TRPM3: variants seen among roughly 807,000 people sequenced by gnomAD.
TRPM3 encodes the protein long transient receptor potential channel 3.
In TRPM3, 77 loss-of-function variants were observed where a neutral mutation model predicts 181.2. That is an observed-to-expected ratio of 0.42 (90% CI 0.35 to 0.51). The LOEUF (loss-of-function observed/expected upper bound fraction) is 0.51, where lower values mean the gene tolerates loss of function less well. Ranked by LOEUF, TRPM3 falls within the 20% of genes least tolerant of loss-of-function variation. The pLI, the probability that TRPM3 is intolerant of heterozygous loss-of-function variation, is 0.01. For missense variants in TRPM3, 1,759 were observed against 2,196.7 expected, an observed-to-expected ratio of 0.80 and a Z score of 3.98; for synonymous variants, 745 against 796.4, an observed-to-expected ratio of 0.94 and a Z score of 1.09.
At chr9:70,774,962 A>T (rs750669126) in intron 7 of TRPM3, 2 of 152,218 alleles carry the variant, frequency 1.3e-5, no homozygotes, top group Non-Finnish European at 2.9e-5. Flanking sequence ...CTGACTGAAG[A>T]AGCTTTTATA....
intron 1 of TRPM3, among the ~76,000 whole-genome samples, chr9:71,040,916 A>T (rs1336101186): frequency 6.6e-6 from 1 of 152,172 alleles, no homozygotes; most frequent in Non-Finnish European, 1.5e-5. Flanking sequence ...AGGTCATGAA[A>T]GATAAGGGAA....
intron 9 of TRPM3, among the ~76,000 whole-genome samples, chr9:70,650,936 A>G (rs1589799320): frequency 6.6e-6 from 1 of 152,218 alleles, no homozygotes; most frequent in Non-Finnish European, 1.5e-5. Context: ...AAGATTAAAA[A>G]TTTTTAAATT....
At chr9:71,195,559 A>G (rs2078297735) in intron 1 of TRPM3, among the ~76,000 whole-genome samples, 2 of 152,090 alleles carry the variant, frequency 1.3e-5, no homozygotes, top group Non-Finnish European at 2.9e-5. Flanking sequence ...AGATTCCTCA[A>G]AGAGCTAAAA....
chr9:71,056,162 G>C (rs936044332), intron 1 of TRPM3, among the ~76,000 whole-genome samples: 9 of 151,922 alleles, frequency 5.9e-5, no homozygotes, highest in Admixed American at 3.9e-4. Flanking sequence ...CAACATCCTT[G>C]AGGGCATAAT....
intron 1 of TRPM3, among the ~76,000 whole-genome samples, chr9:71,082,042 G>C (rs910634608): frequency 5.9e-5 from 9 of 152,130 alleles, no homozygotes; most frequent in Non-Finnish European, 1.2e-4. Context: ...ATATTGAAAA[G>C]AAAGTAGAAA....
intron 24 of TRPM3, 122 bp downstream of exon 24, chr9:70,552,722 G>A (rs911286734): frequency 2.0e-6 from 2 of 988,872 alleles, no homozygotes; most frequent in African/African-American, 3.2e-5. Flanking sequence ...CAAGCCTTCA[G>A]AGCTGTCTGC....
chr9:71,138,142 G>A (rs899662494), intron 1 of TRPM3, among the ~76,000 whole-genome samples: 5 of 151,992 alleles, frequency 3.3e-5, no homozygotes, highest in South Asian at 2.1e-4. Context: ...AAAAAAAGAC[G>A]ATGCTGCCTT....
intron 6 of TRPM3, among the ~76,000 whole-genome samples, chr9:70,819,195 G>A (rs1428068437): frequency 6.6e-6 from 1 of 152,124 alleles, no homozygotes; most frequent in East Asian, 1.9e-4. Flanking sequence ...CATATTGTAG[G>A]ATGTTAACAT....
At chr9:70,609,425 C>G (rs2061687704) in intron 19 of TRPM3, among the ~76,000 whole-genome samples, 1 of 152,176 alleles carries the variant, frequency 6.6e-6, no homozygotes, top group Admixed American at 6.5e-5. Context: ...CTAATATTTA[C>G]ATTTCGATAA....
intron 9 of TRPM3, among the ~76,000 whole-genome samples, chr9:70,645,695 C>T (rs1489697131): frequency 6.7e-6 from 1 of 150,352 alleles, no homozygotes; most frequent in Non-Finnish European, 1.5e-5. Context: ...CAACAAAAGC[C>T]AAAATTGATA....
At chr9:71,018,352 A>C (rs1385723738) in intron 1 of TRPM3, among the ~76,000 whole-genome samples, 1 of 151,800 alleles carries the variant, frequency 6.6e-6, no homozygotes, top group Non-Finnish European at 1.5e-5. Flanking sequence ...TGAAATAAAC[A>C]AATAGACACA....
At position 70,531,194 on chromosome 9, in the gene TRPM3, T is replaced by C. The variant is rs1288399764; in HGVS notation, c.*4759A>G. 6.6e-6 allele frequency: 1 copy of C among 152,218 alleles called. No homozygotes were observed. Among genetic ancestry groups the C allele is most frequent in the Non-Finnish European group, 1.5e-5 (1 of 68,038 alleles). 9.4% of individuals were successfully genotyped at this position (152,218 alleles called of 1,614,324 possible). ...ATCACAGATGCACAACACCTAGACC[T>C]TGGCAGACCCAAGAGGTGTTGGCTT... On this transcript the variant is annotated 3_prime_UTR_variant, in exon 26 of 26. Transcript: ENST00000677713.
rs888968121 is a variant in TRPM3 at position 71,399,521 on chromosome 9, C to A, written c.183+47132G>T. Among the ~76,000 whole-genome samples the A allele has an allele frequency of 1.9e-4, 20 of 107,514 alleles. 1 individual carries two copies. Among genetic ancestry groups the A allele is most frequent in the Admixed American group, 5.9e-4 (6 of 10,186 alleles). The allele number at this position is 107,514 out of a possible 152,430, so 70.5% of individuals were successfully genotyped here. On this transcript the variant is annotated intron_variant, in intron 1 of 24. Transcript: ENST00000357533. ...ATATTCATTTTACTCCTTATATTTT[C>A]TTTTGTTTTTTTTTTTTTTTTTTTT... is the stretch of plus-strand genomic sequence containing the variant.
intron 1 of TRPM3, among the ~76,000 whole-genome samples, chr9:71,263,485 AG>A (rs1185894980): frequency 6.6e-6 from 1 of 152,204 alleles, no homozygotes; most frequent in Non-Finnish European, 1.5e-5. Context: ...CAACCTTTTG[AG>A]CAGTAGCTCT....
At chr9:70,566,978 AGTATG>A (rs2050767482) in intron 22 of TRPM3, among the ~76,000 whole-genome samples, 1 of 152,236 alleles carries the variant, frequency 6.6e-6, no homozygotes, top group Admixed American at 6.5e-5. Flanking sequence ...AAAACCTCAC[AGTATG>A]AGGTTTGGGA....
chr9:71,178,815 G>T (rs2077243913), intron 1 of TRPM3, among the ~76,000 whole-genome samples: 1 of 152,070 alleles, frequency 6.6e-6, no homozygotes, highest in South Asian at 2.1e-4. Context: ...AAAGTCATGA[G>T]CTCGCTGTTA....
chr9:71,252,848 T>TG (rs1554854927), intron 1 of TRPM3, among the ~76,000 whole-genome samples: 1 of 6,204 alleles, frequency 1.6e-4, no homozygotes, highest in Non-Finnish European at 7.8e-4. Context: ...ATTTTGTCTC[T>TG]TTTTTTTTTT....
At chr9:70,539,513 C>A (rs2042705497) in intron 25 of TRPM3, among the ~76,000 whole-genome samples, 1 of 150,684 alleles carries the variant, frequency 6.6e-6, no homozygotes, top group South Asian at 2.1e-4. Context: ...GCCCCATAAC[C>A]AACCCAATGC....
intron 1 of TRPM3, among the ~76,000 whole-genome samples, chr9:70,964,171 A>G (rs2097163813): frequency 6.6e-6 from 1 of 152,112 alleles, no homozygotes; most frequent in African/African-American, 2.4e-5. Context: ...ATTTATCCCA[A>G]TTATGATTAA....
Sources: allele counts gnomAD v4.1 joint callset (sites outside exome capture counted in the v4.1 genomes callset), GRCh38; gene constraint gnomAD v4.1.1; transcripts MANE v1.5; gene names NCBI Gene and HGNC (gene_info 2026-07-23, HGNC 2026-07-21).